LHFPL3: variants seen among roughly 807,000 people sequenced by gnomAD.
LHFPL3 encodes the protein LHFPL tetraspan subfamily member 3, also known as LHFPL tetraspan subfamily member 3 protein.
LHFPL3 carries 5 observed loss-of-function variants against 19.3 expected under a neutral mutation model. The ratio of observed to expected loss-of-function variants is 0.26; its 90% confidence interval spans 0.14 to 0.54. The LOEUF (loss-of-function observed/expected upper bound fraction) is 0.54. Ranked by LOEUF, LHFPL3 falls within the 20% of genes least tolerant of loss-of-function variation. The probability of loss-of-function intolerance (pLI) is 0.94; values close to 1 mark genes in which losing one functional copy is unlikely to be tolerated. For missense variants in LHFPL3, 249 were observed against 307.4 expected (o/e 0.81, Z 1.42); for synonymous variants, 133 against 126.2 (o/e 1.05, Z -0.36).
intron 1 of LHFPL3, among the ~76,000 whole-genome samples, chr7:104,544,068 G>C (rs1478109342): frequency 6.6e-6 from 1 of 150,800 alleles, no homozygotes; most frequent in Admixed American, 6.6e-5. Flanking sequence ...GGTATTAGGA[G>C]TTTGCAATTC....
At chr7:104,677,914 C>G (rs182898419) in intron 1 of LHFPL3, among the ~76,000 whole-genome samples, 1 of 152,278 alleles carries the variant, frequency 6.6e-6, no homozygotes, top group African/African-American at 2.4e-5. Context: ...ATTTACGGAA[C>G]CACGTGCAGA....
At chr7:104,669,188 C>G in intron 1 of LHFPL3, 1 of 1,613,874 alleles carries the variant, frequency 6.2e-7, no homozygotes, top group Admixed American at 1.7e-5. Flanking sequence ...AAGGAGAATG[C>G]TTGGGTGAAG....
At chr7:104,716,042 A>G (rs984639213) in intron 1 of LHFPL3, among the ~76,000 whole-genome samples, 1 of 152,208 alleles carries the variant, frequency 6.6e-6, no homozygotes, top group Non-Finnish European at 1.5e-5. Context: ...AGGCAGGAGA[A>G]GAAATAAACA....
At chr7:104,502,740 G>A (rs1377237604) in intron 1 of LHFPL3, among the ~76,000 whole-genome samples, 1 of 152,144 alleles carries the variant, frequency 6.6e-6, no homozygotes, top group African/African-American at 2.4e-5. Context: ...CAACTCAGAG[G>A]ATTTCCAAGA....
intron 1 of LHFPL3, among the ~76,000 whole-genome samples, chr7:104,440,042 G>A (rs993048884): frequency 2.1e-5 from 3 of 145,986 alleles, no homozygotes; most frequent in Non-Finnish European, 1.5e-5. Context: ...GCCTGGGGGG[G>A]GGGAGGGATA....
intron 1 of LHFPL3, among the ~76,000 whole-genome samples, chr7:104,543,329 G>T (rs940257860): frequency 1.3e-5 from 2 of 152,016 alleles, no homozygotes; most frequent in South Asian, 2.1e-4. Context: ...CTGTAAACTA[G>T]TTCAACCATT....
At chr7:104,561,124 G>A (rs939713988) in intron 1 of LHFPL3, among the ~76,000 whole-genome samples, 8 of 152,086 alleles carry the variant, frequency 5.3e-5, no homozygotes, top group Non-Finnish European at 1.2e-4. Context: ...TTTTGGAATA[G>A]GTGTGGTGTG....
intron 1 of LHFPL3, among the ~76,000 whole-genome samples, chr7:104,422,205 A>G (rs941254614): frequency 6.6e-6 from 1 of 152,214 alleles, no homozygotes; most frequent in Non-Finnish European, 1.5e-5. Context: ...TACTAAAAAT[A>G]TAAAAATTAG....
intron 2 of LHFPL3, among the ~76,000 whole-genome samples, chr7:104,852,847 C>A (rs574006619): frequency 6.7e-6 from 1 of 148,370 alleles, no homozygotes; most frequent in East Asian, 2.1e-4. Context: ...GCCTCCTCCT[C>A]CCTCCACCCT....
intron 1 of LHFPL3, among the ~76,000 whole-genome samples, chr7:104,626,015 C>G (rs2115825633): frequency 6.6e-6 from 1 of 152,322 alleles, no homozygotes; most frequent in East Asian, 1.9e-4. Context: ...TCCACTGTCA[C>G]CCTTGGCATA....
intron 1 of LHFPL3, among the ~76,000 whole-genome samples, chr7:104,353,733 T>A (rs1352454542): frequency 6.6e-6 from 1 of 152,228 alleles, no homozygotes; most frequent in East Asian, 1.9e-4. Context: ...CATTTCTGTT[T>A]AAGGAGCCTT....
At chr7:104,490,375 T>C (rs1793318912) in intron 1 of LHFPL3, among the ~76,000 whole-genome samples, 1 of 152,194 alleles carries the variant, frequency 6.6e-6, no homozygotes, top group Admixed American at 6.5e-5. Flanking sequence ...TATCTCTTCC[T>C]AATGCAGCTA....
chr7:104,432,808 G>A (rs904091199), intron 1 of LHFPL3, among the ~76,000 whole-genome samples: 2 of 151,986 alleles, frequency 1.3e-5, no homozygotes, highest in South Asian at 2.1e-4. Context: ...TCTAAATTCT[G>A]TTGATTCTGC....
intron 1 of LHFPL3, among the ~76,000 whole-genome samples, chr7:104,415,327 C>A (rs1791600288): frequency 6.6e-6 from 1 of 152,094 alleles, no homozygotes; most frequent in Non-Finnish European, 1.5e-5. Context: ...GTGAATGATG[C>A]CTACTGTTTT....
At chr7:104,828,933 G>T (rs1189651091) in intron 2 of LHFPL3, among the ~76,000 whole-genome samples, 1 of 151,876 alleles carries the variant, frequency 6.6e-6, no homozygotes. Context: ...TTCTCGGGAG[G>T]CTGGGGTGGG....
chr7:104,881,741 T>C (rs768300940), intron 2 of LHFPL3, among the ~76,000 whole-genome samples: 29 of 152,194 alleles, frequency 1.9e-4, no homozygotes, highest in Non-Finnish European at 3.8e-4. Context: ...ATATTGTGAC[T>C]AAAATGCTAT....
chr7:104,861,663 C>G (rs1473705937), intron 2 of LHFPL3, among the ~76,000 whole-genome samples: 1 of 152,144 alleles, frequency 6.6e-6, no homozygotes, highest in Non-Finnish European at 1.5e-5. Flanking sequence ...GCCACCCAAC[C>G]TGGGTGAAAG....
chr7:104,688,001 G>C (rs1216654300), intron 1 of LHFPL3, among the ~76,000 whole-genome samples: 1 of 152,128 alleles, frequency 6.6e-6, no homozygotes, highest in African/African-American at 2.4e-5. Context: ...AAAATACTAA[G>C]GACTCTACTT....
intron 1 of LHFPL3, among the ~76,000 whole-genome samples, chr7:104,683,286 G>A (rs909202413): frequency 8.6e-5 from 13 of 152,032 alleles, no homozygotes; most frequent in Non-Finnish European, 1.3e-4. Context: ...CACCGCACCC[G>A]GCCACTGGTG....
Sources: allele counts gnomAD v4.1 joint callset (sites outside exome capture counted in the v4.1 genomes callset), GRCh38; gene constraint gnomAD v4.1.1; transcripts MANE v1.5; gene names NCBI Gene and HGNC (gene_info 2026-07-23, HGNC 2026-07-21).